MRPL42: variants seen among roughly 807,000 people sequenced by gnomAD.
MRPL42 encodes the protein mitochondrial ribosomal protein L42, also known as large ribosomal subunit protein mL42.
Under a neutral mutation model 17.9 loss-of-function variants are expected in MRPL42, and 17 were observed. The observed-to-expected ratio is 0.95, with a 90% CI of 0.65 to 1.42. The LOEUF (loss-of-function observed/expected upper bound fraction) is 1.42, where lower values mean the gene tolerates loss of function less well. Among genes scored for constraint, MRPL42 ranks in the 40% most tolerant of loss-of-function variants. The probability of loss-of-function intolerance (pLI) is 0.00; values close to 1 mark genes in which losing one functional copy is unlikely to be tolerated. For missense variants in MRPL42, 177 were observed against 175.2 expected (o/e 1.01, Z -0.06); for synonymous variants, 59 against 54.4 (o/e 1.08, Z -0.37).
Position 93,509,767 on chromosome 12 carries a change from C to T in MRPL42, c.*8546C>T, listed in dbSNP as rs1347154454. 1.4e-5 allele frequency: 2 copies of T among 138,078 alleles called. No individual in the cohort carries two copies. The highest frequency in any genetic ancestry group is 3.1e-5 in the Non-Finnish European group (2 of 65,468). 8.6% of individuals were successfully genotyped at this position (138,078 alleles called of 1,614,324 possible). A position where few individuals can be genotyped will look rare whatever the true frequency, so the allele number is the denominator to read the frequency against. On this transcript the variant is annotated 3_prime_UTR_variant, in exon 6 of 6. Coordinates refer to ENST00000549982, the MANE Select transcript of MRPL42 (RefSeq NM_014050.4). ...CTGGGCAACATAGTGAGATCCTCAT[C>T]TCCTGAAAAAAAAAAAAAACTTTAG...
At chr12:93,495,288 A>G (rs992855807) in intron 5 of MRPL42, among the ~76,000 whole-genome samples, 5 of 152,218 alleles carry the variant, frequency 3.3e-5, no homozygotes, top group Admixed American at 2.6e-4. Context: ...TATTAGAAGG[A>G]ATACTTTATG....
At position 93,501,288 on chromosome 12, in the gene MRPL42, G is replaced by C; in HGVS notation, c.*67G>C. ...TTGCCATTTGAGAAAATGCAGTCTG[G>C]TGTATTCAGTAATATATAGTAAAGT... On this transcript the variant is annotated 3_prime_UTR_variant, in exon 6 of 6. Coordinates refer to ENST00000549982, the MANE Select transcript of MRPL42 (RefSeq NM_014050.4). 1 of 1,210,030 alleles carries C rather than the reference G, an allele frequency of 8.3e-7. No homozygotes were observed. The highest frequency in any genetic ancestry group is 1.2e-6 in the Non-Finnish European group (1 of 843,394). The allele number at this position is 1,210,030 out of a possible 1,614,324, so 75.0% of individuals were successfully genotyped here. A position where few individuals can be genotyped will look rare whatever the true frequency, so the allele number is the denominator to read the frequency against.
intron 2 of MRPL42, among the ~76,000 whole-genome samples, chr12:93,475,347 C>T (rs1355692457): frequency 6.6e-6 from 1 of 151,858 alleles, no homozygotes; most frequent in African/African-American, 2.4e-5. Flanking sequence ...AACTCCTGAC[C>T]TCAAGTGATC....
Position 93,511,436 on chromosome 12 carries a change from A to G in MRPL42, c.*10215A>G, listed in dbSNP as rs911097305. 1 of 152,238 alleles carries G rather than the reference A, an allele frequency of 6.6e-6. No homozygotes were observed. Among genetic ancestry groups the G allele is most frequent in the Non-Finnish European group, 1.5e-5 (1 of 68,038 alleles). The allele number at this position is 152,238 out of a possible 1,614,324, so 9.4% of individuals were successfully genotyped here. A position where few individuals can be genotyped will look rare whatever the true frequency, so the allele number is the denominator to read the frequency against. ...TGCAATTAAGACAATAATCTTATAT[A>G]TAGACAATAATTGTCTTAATAATAA... On this transcript the variant is annotated 3_prime_UTR_variant, in exon 6 of 6. Coordinates refer to ENST00000549982, the MANE Select transcript of MRPL42 (RefSeq NM_014050.4).
rs1016418010 is a variant in MRPL42 at position 93,505,238 on chromosome 12, G to C, written c.*4017G>C. 1 of 151,972 alleles carries C rather than the reference G, an allele frequency of 6.6e-6. No homozygotes were observed. Among genetic ancestry groups the C allele is most frequent in the African/African-American group, 2.4e-5 (1 of 41,344 alleles). The allele number at this position is 151,972 out of a possible 1,614,324, so 9.4% of individuals were successfully genotyped here. ...GTGTGGTTTCCACATATTCTAAGAG[G>C]CATCTTCAATTAGATTCCAAAAATT... On this transcript the variant is annotated 3_prime_UTR_variant, in exon 6 of 6. Coordinates refer to ENST00000549982, the MANE Select transcript of MRPL42 (RefSeq NM_014050.4).
rs1953328232 is a variant in MRPL42, at chr12:93,487,581, C to A, written c.304C>A (p.His102Asn). 1.9e-6 allele frequency: 3 copies of A among 1,612,948 alleles called. No individual in the cohort carries two copies. The highest frequency in any genetic ancestry group is 1.7e-6 in the Non-Finnish European group (2 of 1,178,988). ...AACCAGATTGGAAGAAAAAGTTGAA[C>A]ACCTTGAGGAAGGACCTATGATAGA... The part of the protein sequence containing the change: ...LKTRLEEKVE[H>N]LEEGPMIEQL... Residue 102 changes from histidine to asparagine, a missense_variant, in exon 5 of 6, where the codon CAC (histidine) becomes AAC (asparagine). Coordinates refer to ENST00000549982, the MANE Select transcript of MRPL42 (RefSeq NM_014050.4).
At position 93,506,260 on chromosome 12, in the gene MRPL42, CT is replaced by C. The variant is rs58440444; in HGVS notation, c.*5061del. On this transcript the variant is annotated 3_prime_UTR_variant, in exon 6 of 6. Transcript: ENST00000549982. ...AGTCTTCAATTCAGCAAGAATGTCT[CT>C]TTTTTTTTTTTTTTTTTTTTTGGGA... 37 of 87,850 alleles carry C rather than the reference CT, an allele frequency of 4.2e-4. No homozygotes were observed. The highest frequency in any genetic ancestry group is 1.4e-3 in the East Asian group (5 of 3,634). 5.4% of individuals were successfully genotyped at this position (87,850 alleles called of 1,614,324 possible).
intron 2 of MRPL42, among the ~76,000 whole-genome samples, chr12:93,475,741 T>C (rs1203921143): frequency 6.6e-6 from 1 of 152,016 alleles, no homozygotes; most frequent in African/African-American, 2.4e-5. Context: ...TCCCAGCACT[T>C]TGGGAGGCCG....
rs147591292 is a variant in MRPL42, at chr12:93,487,654, A to G, written c.377A>G (p.His126Arg). The change falls in exon 5 of 6, where the codon CAT (histidine) becomes CGT (arginine). Residue 126 changes from histidine to arginine, a missense_variant. By Grantham distance (29) the His-to-Arg change is conservative. Coordinates refer to ENST00000549982, the MANE Select transcript of MRPL42 (RefSeq NM_014050.4). ...ACTACTAAGCACCGTTGGTATCCTC[A>G]TGGACGGTAAGTTTTCTTTTCTTTT... The part of the protein sequence containing the change: ...FFTTKHRWYP[H>R]GRYHRCRKNL... 4.4e-6 allele frequency: 7 copies of G among 1,601,186 alleles called. No homozygotes were observed. The highest frequency in any genetic ancestry group is 4.5e-5 in the East Asian group (2 of 44,730).
chr12:93,515,159 T>C lies in MRPL42; in HGVS notation c.*13938T>C, dbSNP rs1953767617. On this transcript the variant is annotated 3_prime_UTR_variant, in exon 6 of 6. Coordinates refer to ENST00000549982, the MANE Select transcript of MRPL42 (RefSeq NM_014050.4). ...ACCAAAGAAGATTTTTGGCAGGGGA[T>C]GATGCATTCAGAGCCTTCACTCTGG... The C allele has an allele frequency of 6.6e-6, 1 of 152,136 alleles. No homozygotes were observed. Among genetic ancestry groups the C allele is most frequent in the African/African-American group, 2.4e-5 (1 of 41,428 alleles). The allele number at this position is 152,136 out of a possible 1,614,324, so 9.4% of individuals were successfully genotyped here.
At chr12:93,470,318 GCTTT>G (rs1325499749) in intron 2 of MRPL42, among the ~76,000 whole-genome samples, 1 of 152,084 alleles carries the variant, frequency 6.6e-6, no homozygotes, top group African/African-American at 2.4e-5. Flanking sequence ...AGCCAACTGT[GCTTT>G]CTTTTTCCTT....
rs1953597605 is a variant in MRPL42 at position 93,501,679 on chromosome 12, T to C, written c.*458T>C. The C allele has an allele frequency of 6.6e-6, 1 of 152,322 alleles. No individual in the cohort carries two copies. Among genetic ancestry groups the C allele is most frequent in the African/African-American group, 2.4e-5 (1 of 41,464 alleles). The allele number at this position is 152,322 out of a possible 1,614,324, so 9.4% of individuals were successfully genotyped here. ...ATTGGGATGTAACCCTATGATAAGT[T>C]GAGAAACATCTCTTTTTGTGTGTCT... is the stretch of plus-strand genomic sequence containing the variant. On this transcript the variant is annotated 3_prime_UTR_variant, in exon 6 of 6. Coordinates refer to ENST00000549982, the MANE Select transcript of MRPL42 (RefSeq NM_014050.4).
At chr12:93,478,674 C>T (rs557244528) in intron 3 of MRPL42, among the ~76,000 whole-genome samples, 5 of 152,252 alleles carry the variant, frequency 3.3e-5, no homozygotes, top group African/African-American at 1.2e-4. Flanking sequence ...ACTATCTTCT[C>T]GTGAAGAAAT....
rs1330022420 is a variant in MRPL42, at chr12:93,487,545, C to G, written c.268C>G (p.Gln90Glu). The change falls in exon 5 of 6, where the codon CAA (glutamine) becomes GAA (glutamate). Residue 90 changes from glutamine to glutamate, a missense_variant. Physicochemically the swap from Gln to Glu is conservative, Grantham distance 29. Coordinates refer to ENST00000549982, the MANE Select transcript of MRPL42 (RefSeq NM_014050.4). ...PVHNNEETHD[Q>E]VLKTRLEEKV... ...GCATAATAATGAAGAAACACATGAT[C>G]AAGTGCTGAAAACCAGATTGGAAGA... 9 of 1,613,816 alleles carry G rather than the reference C, an allele frequency of 5.6e-6. No individual in the cohort carries two copies. Among genetic ancestry groups the G allele is most frequent in the Admixed American group, 1.7e-5 (1 of 60,004 alleles).
rs553231348 is a variant in MRPL42, at chr12:93,473,934, A to G, written c.71-3020A>G. Among the ~76,000 whole-genome samples, 5 of 152,248 alleles carry G rather than the reference A, an allele frequency of 3.3e-5. No homozygotes were observed. The South Asian group carries it at 1.0e-3, about 32-fold the overall frequency. ...GAGGCAGTTCGGCAATCACTTTTTA[A>G]TGTGTAGGCACTATAGGGGACACAG... On this transcript the variant is annotated intron_variant, in intron 2 of 5. Transcript: ENST00000549982.
intron 4 of MRPL42, among the ~76,000 whole-genome samples, chr12:93,481,993 GTT>G (rs1291417300): frequency 6.6e-6 from 1 of 151,956 alleles, no homozygotes; most frequent in Non-Finnish European, 1.5e-5. Context: ...TCTTTGTTGT[GTT>G]TCCTTTGTTT....
In MRPL42 at chr12:93,477,021, T is replaced by C; in HGVS notation, c.134+4T>C. ...CTCTACCAGATGACTATAATTGGTA[T>C]GTATTAAAATTCAATTGAAGAAATA... On this transcript the variant is annotated splice_donor_region_variant and intron_variant, in intron 3 of 5. Coordinates refer to ENST00000549982, the MANE Select transcript of MRPL42 (RefSeq NM_014050.4). The C allele has an allele frequency of 1.3e-6, 2 of 1,556,824 alleles. No homozygotes were observed. Among genetic ancestry groups the C allele is most frequent in the Non-Finnish European group, 1.8e-6 (2 of 1,135,070 alleles).
At position 93,501,489 on chromosome 12, in the gene MRPL42, T is replaced by G. The variant is rs999550089; in HGVS notation, c.*268T>G. ...TTCCATAGTGCCAAAGCCATACATA[T>G]TCAGTAGAACATCAATAAATTACAT... On this transcript the variant is annotated 3_prime_UTR_variant, in exon 6 of 6. Coordinates refer to ENST00000549982, the MANE Select transcript of MRPL42 (RefSeq NM_014050.4). 1.6e-5 allele frequency: 4 copies of G among 247,812 alleles called. No individual in the cohort carries two copies. The highest frequency in any genetic ancestry group is 3.0e-5 in the Non-Finnish European group (4 of 131,204). 15.4% of individuals were successfully genotyped at this position (247,812 alleles called of 1,614,324 possible).
chr12:93,490,085 G>A (rs1255985900), intron 5 of MRPL42, among the ~76,000 whole-genome samples: 1 of 152,020 alleles, frequency 6.6e-6, no homozygotes, highest in African/African-American at 2.4e-5. Flanking sequence ...CTTCTGTAAT[G>A]GCTTTCAGTA....
Sources: gnomAD v4.1 joint callset for allele counts (sites outside exome capture counted in the v4.1 genomes callset) on GRCh38, gnomAD v4.1.1 for gene constraint, MANE v1.5 for transcripts, NCBI Gene and HGNC (gene_info 2026-07-23, HGNC 2026-07-21) for gene names.